The following PTPRM variants were observed in gnomAD, a reference collection of about 807,000 sequenced individuals.
PTPRM encodes protein tyrosine phosphatase receptor type M.
A neutral mutation model predicts 186.7 loss-of-function variants in PTPRM; 47 were observed. That is an observed-to-expected ratio of 0.25 (90% CI 0.20 to 0.32). PTPRM has a LOEUF of 0.32. PTPRM is among the 10% of genes least tolerant of loss of function. PTPRM has a pLI of 1.00. For synonymous variants in PTPRM, 668 were observed against 674.9 expected (o/e 0.99, Z 0.16); for missense variants, 1,494 against 1,865.0 (o/e 0.80, Z 3.66).
chr18:8,244,133 C>T lies in PTPRM; in HGVS notation c.2376C>T (p.Asp792=). 4 of 1,610,922 alleles carry T rather than the reference C, an allele frequency of 2.5e-6. No individual in the cohort carries two copies. Among genetic ancestry groups the T allele is most frequent in the Non-Finnish European group, 3.4e-6 (4 of 1,178,998 alleles). ...QEMTVMVNSM[D]KSYAEQGTNC... is the part of the protein sequence containing the mutation. ...TGACTGTGATGGTGAACTCAATGGACAAGAGCTATGCTGAGCAGGGCACAA... is the reference window on the plus strand; with the variant it reads ...TGACTGTGATGGTGAACTCAATGGATAAGAGCTATGCTGAGCAGGGCACAA... Residue 792 remains aspartate (D), a synonymous_variant, in exon 15 of 33, where the codon GAC becomes GAT. Transcript: ENST00000580170.
intron 14 of PTPRM, among the ~76,000 whole-genome samples, chr18:8,186,288 T>C (rs2093640558): frequency 7.2e-6 from 1 of 139,528 alleles, no homozygotes. Context: ...ATCGTGCCAC[T>C]GCACTCCAGC....
intron 9 of PTPRM, among the ~76,000 whole-genome samples, chr18:8,078,822 G>C (rs570630150): frequency 6.6e-6 from 1 of 152,258 alleles, no homozygotes; most frequent in East Asian, 1.9e-4. Context: ...GCAGGAGCAA[G>C]AGAGAGCAAA....
At chr18:8,089,083 G>T (rs1228909275) in intron 11 of PTPRM, among the ~76,000 whole-genome samples, 1 of 152,154 alleles carries the variant, frequency 6.6e-6, no homozygotes, top group Non-Finnish European at 1.5e-5. Flanking sequence ...TTGTTCTTTT[G>T]AAGATAAGGA....
chr18:8,241,708 C>T (rs148944574), intron 14 of PTPRM, among the ~76,000 whole-genome samples: 104 of 152,096 alleles, frequency 6.8e-4, no homozygotes, highest in African/African-American at 2.5e-3. Flanking sequence ...CTTGCCTGGT[C>T]CCAGGGAGAC....
chr18:7,769,379 C>A (rs1212732924), intron 1 of PTPRM, among the ~76,000 whole-genome samples: 1 of 152,084 alleles, frequency 6.6e-6, no homozygotes, highest in African/African-American at 2.4e-5. Flanking sequence ...ATAGTATCTA[C>A]CTCATAGAGT....
intron 2 of PTPRM, among the ~76,000 whole-genome samples, chr18:7,796,759 CA>C (rs1183317963): frequency 6.6e-6 from 1 of 152,176 alleles, no homozygotes; most frequent in Non-Finnish European, 1.5e-5. Context: ...CAATGCTTTA[CA>C]ATCTGAGGCC....
chr18:7,675,155 C>T (rs771224802), intron 1 of PTPRM, among the ~76,000 whole-genome samples: 3 of 152,154 alleles, frequency 2.0e-5, no homozygotes, highest in African/African-American at 4.8e-5. Flanking sequence ...AATCCTGCTT[C>T]GTAAATATTA....
intron 30 of PTPRM, among the ~76,000 whole-genome samples, chr18:8,385,749 T>C (rs1352978118): frequency 1.3e-5 from 2 of 152,222 alleles, no homozygotes; most frequent in Admixed American, 6.5e-5. Context: ...ATTACAGAGT[T>C]TTGAGTGCAA....
chr18:7,593,217 A>G (rs2037171180), intron 1 of PTPRM, among the ~76,000 whole-genome samples: 1 of 152,166 alleles, frequency 6.6e-6, no homozygotes, highest in Non-Finnish European at 1.5e-5. Context: ...GGGCACAGCT[A>G]GTTTTTAATG....
chr18:8,245,612 G>A (rs560711672), intron 15 of PTPRM, among the ~76,000 whole-genome samples: 77 of 152,122 alleles, frequency 5.1e-4, no homozygotes, highest in Non-Finnish European at 9.6e-4. Flanking sequence ...TGATGCATTC[G>A]TTGTGGGCTG....
intron 1 of PTPRM, among the ~76,000 whole-genome samples, chr18:7,654,700 A>T (rs1299272496): frequency 6.6e-6 from 1 of 152,220 alleles, no homozygotes; most frequent in Admixed American, 6.5e-5. Context: ...CATTTATTGA[A>T]TAGGGAGTCC....
chr18:8,139,261 G>A (rs752266427), intron 13 of PTPRM, among the ~76,000 whole-genome samples: 7 of 152,134 alleles, frequency 4.6e-5, no homozygotes, highest in Non-Finnish European at 8.8e-5. Context: ...CAGAAATCTG[G>A]TTGTTATCCT....
At chr18:7,988,013 C>CAAA (rs57611700) in intron 7 of PTPRM, among the ~76,000 whole-genome samples, 2 of 112,364 alleles carry the variant, frequency 1.8e-5, no homozygotes, top group Non-Finnish European at 1.9e-5. Flanking sequence ...CCTGTGTCTA[C>CAAA]AAAAAAAAAA....
At chr18:7,940,331 GA>G in intron 5 of PTPRM, among the ~76,000 whole-genome samples, 1 of 152,294 alleles carries the variant, frequency 6.6e-6, no homozygotes, top group African/African-American at 2.4e-5. Flanking sequence ...GGGAGATAGA[GA>G]GCAACTATGG....
At chr18:7,997,186 A>G (rs2083589035) in intron 7 of PTPRM, among the ~76,000 whole-genome samples, 1 of 152,210 alleles carries the variant, frequency 6.6e-6, no homozygotes, top group African/African-American at 2.4e-5. Flanking sequence ...CTGCATAAAA[A>G]CAGACACATA....
chr18:8,150,352 C>CT (rs1202206489), intron 14 of PTPRM, among the ~76,000 whole-genome samples: 1 of 152,046 alleles, frequency 6.6e-6, no homozygotes, highest in Non-Finnish European at 1.5e-5. Context: ...CCTTTTTATT[C>CT]TTTTTTTCTC....
At chr18:8,005,704 A>G (rs1204921136) in intron 7 of PTPRM, among the ~76,000 whole-genome samples, 5 of 152,036 alleles carry the variant, frequency 3.3e-5, no homozygotes. Flanking sequence ...CAGGAGCCTA[A>G]TGTCCCTCAG....
Position 8,092,981 on chromosome 18 carries a change from A to G in PTPRM, c.1856+4130A>G, listed in dbSNP as rs534831622. Among the ~76,000 whole-genome samples the G allele has an allele frequency of 2.0e-5, 3 of 152,236 alleles. No individual in the cohort carries two copies. The East Asian group carries it at 5.8e-4, about 29-fold the overall frequency. ...TGGACAACATAGAGAGGCCCAACAT[A>G]GACCCTCTACCAAAAAAATTTTTTT... On this transcript the variant is annotated intron_variant, in intron 11 of 32. Coordinates refer to ENST00000580170, the MANE Select transcript of PTPRM (RefSeq NM_001105244.2).
chr18:7,679,558 G>T (rs958313895), intron 1 of PTPRM, among the ~76,000 whole-genome samples: 2 of 152,134 alleles, frequency 1.3e-5, no homozygotes, highest in African/African-American at 4.8e-5. Context: ...CCAGCTATTC[G>T]GGAGGCCGAG....
Sources: allele counts gnomAD v4.1 joint callset (sites outside exome capture counted in the v4.1 genomes callset), GRCh38; gene constraint gnomAD v4.1.1; transcripts MANE v1.5; gene names NCBI Gene and HGNC (gene_info 2026-07-23, HGNC 2026-07-21).